Variants in SPHKAP observed in about 807,000 individuals in gnomAD.
SPHKAP encodes the protein SPHK1 interactor, AKAP domain containing.
A neutral mutation model predicts 137.5 loss-of-function variants in SPHKAP; 67 were observed. The observed-to-expected ratio is 0.49, with a 90% CI of 0.40 to 0.60. SPHKAP has a LOEUF of 0.60. SPHKAP is among the 20% of genes least tolerant of loss of function. The pLI, the probability that SPHKAP is intolerant of heterozygous loss-of-function variation, is 0.00. For missense variants in SPHKAP, 2,097 were observed against 2,069.3 expected (o/e 1.01, Z -0.26); for synonymous variants, 813 against 785.3 (o/e 1.04, Z -0.59).
chr2:228,151,149 G>A (rs1004808141), intron 1 of SPHKAP, among the ~76,000 whole-genome samples: 3 of 143,390 alleles, frequency 2.1e-5, no homozygotes, highest in African/African-American at 7.8e-5. Flanking sequence ...TGTTCTCATT[G>A]TTCTATTCCC....
chr2:228,116,734 A>G (rs1256970014), intron 2 of SPHKAP, among the ~76,000 whole-genome samples: 1 of 152,124 alleles, frequency 6.6e-6, no homozygotes, highest in African/African-American at 2.4e-5. Context: ...TCAAGACAGA[A>G]CAGATTCTAA....
chr2:228,092,250 T>C (rs1320224962), intron 3 of SPHKAP, among the ~76,000 whole-genome samples: 1 of 143,732 alleles, frequency 7.0e-6, no homozygotes, highest in Non-Finnish European at 1.5e-5. Context: ...CACACGTGTA[T>C]ATGTGTGTAT....
intron 3 of SPHKAP, among the ~76,000 whole-genome samples, chr2:228,105,728 T>A (rs1192707445): frequency 6.6e-6 from 1 of 152,160 alleles, no homozygotes; most frequent in African/African-American, 2.4e-5. Context: ...CTGATGTATT[T>A]ATAAGGGATT....
At chr2:228,136,048 G>T (rs953755014) in intron 1 of SPHKAP, among the ~76,000 whole-genome samples, 1 of 152,118 alleles carries the variant, frequency 6.6e-6, no homozygotes, top group Non-Finnish European at 1.5e-5. Flanking sequence ...GATGCTGTCC[G>T]TGATCTCTAG....
intron 2 of SPHKAP, among the ~76,000 whole-genome samples, chr2:228,123,029 C>T (rs1206804107): frequency 6.6e-6 from 1 of 152,114 alleles, no homozygotes; most frequent in Admixed American, 6.6e-5. Context: ...AGGTATCTCA[C>T]CCAGGTTTCT....
chr2:228,033,268 A>G (rs1695426503), intron 3 of SPHKAP, among the ~76,000 whole-genome samples: 1 of 152,224 alleles, frequency 6.6e-6, no homozygotes, highest in African/African-American at 2.4e-5. Flanking sequence ...AACAAAGATC[A>G]AAAGAGACAA....
chr2:228,167,962 C>G (rs1291041811), intron 1 of SPHKAP, among the ~76,000 whole-genome samples: 1 of 151,930 alleles, frequency 6.6e-6, no homozygotes, highest in South Asian at 2.1e-4. Context: ...ACATGAATAC[C>G]TTTAGTATAC....
chr2:228,024,083 T>C (rs1694940551), intron 5 of SPHKAP, among the ~76,000 whole-genome samples: 1 of 152,210 alleles, frequency 6.6e-6, no homozygotes, highest in African/African-American at 2.4e-5. Context: ...GTTGATGACA[T>C]TGTTTAAGTC....
At chr2:228,092,470 T>C (rs1254617202) in intron 3 of SPHKAP, among the ~76,000 whole-genome samples, 11,306 of 29,920 alleles carry the variant, frequency 0.38, 1,595 homozygotes, top group African/African-American at 0.45. Context: ...ATATGTGCCA[T>C]ATATATGTAT....
intron 1 of SPHKAP, among the ~76,000 whole-genome samples, chr2:228,168,820 CTCTTGCA>C (rs1700494548): frequency 6.6e-6 from 1 of 152,114 alleles, no homozygotes; most frequent in African/African-American, 2.4e-5. Flanking sequence ...AAAGCTAGCC[CTCTTGCA>C]TCAAGCAGTT....
intron 3 of SPHKAP, among the ~76,000 whole-genome samples, chr2:228,098,464 G>T (rs1698070965): frequency 6.6e-6 from 1 of 152,132 alleles, no homozygotes; most frequent in Non-Finnish European, 1.5e-5. Context: ...CCTTTGTAGG[G>T]ACATGGATGA....
At chr2:228,179,539 T>C (rs181557121) in intron 1 of SPHKAP, among the ~76,000 whole-genome samples, 1 of 152,302 alleles carries the variant, frequency 6.6e-6, no homozygotes, top group Non-Finnish European at 1.5e-5. Flanking sequence ...TTAAGAATGC[T>C]AATAAAATAC....
intron 3 of SPHKAP, among the ~76,000 whole-genome samples, chr2:228,080,020 G>A (rs1425537471): frequency 6.6e-6 from 1 of 151,416 alleles, no homozygotes; most frequent in African/African-American, 2.4e-5. Flanking sequence ...ACCTAAAACT[G>A]TAAAACTACT....
chr2:228,020,026 A>T lies in SPHKAP; in HGVS notation c.828T>A (p.Tyr276Ter). The T allele has an allele frequency of 6.2e-7, 1 of 1,614,118 alleles. No individual in the cohort carries two copies. The part of the protein sequence containing the change: ...YALEDKYINK[Y>*]PTPLIKTERS... ...GTTCTGTTTTAATCAATGGTGTGGG[A>T]TATTTGTTGATGTATTTGTCTTCCA... Residue 276 changes from tyrosine (Y) to a stop codon, truncating the protein, a stop_gained, in exon 7 of 12, where the codon TAT becomes TAA. Transcript: ENST00000392056. LOFTEE classifies it high-confidence loss of function.
At chr2:228,051,693 G>A (rs181378348) in intron 3 of SPHKAP, among the ~76,000 whole-genome samples, 2 of 152,170 alleles carry the variant, frequency 1.3e-5, no homozygotes, top group East Asian at 3.8e-4. Context: ...GTCTGTTCAG[G>A]CTGCTATAAC....
rs114264224 is a variant in SPHKAP at position 228,073,928 on chromosome 2, C to T, written c.246+34904G>A. Among the ~76,000 whole-genome samples, 1,502 of 152,096 alleles carry T rather than the reference C, an allele frequency of 9.9e-3. 17 individuals carry two copies. Among genetic ancestry groups the T allele is most frequent in the African/African-American group, 0.033 (1,350 of 41,474 alleles). ...TGTGTCACAGTGTCATGGGGAGGACCAAAGAAAAACTCCCAATGACCTATC... is the reference window on the plus strand; with the variant it reads ...TGTGTCACAGTGTCATGGGGAGGACTAAAGAAAAACTCCCAATGACCTATC... On this transcript the variant is annotated intron_variant, in intron 3 of 11. Transcript: ENST00000392056.
chr2:228,124,424 T>G (rs1699006960), intron 2 of SPHKAP, among the ~76,000 whole-genome samples: 1 of 152,024 alleles, frequency 6.6e-6, no homozygotes, highest in African/African-American at 2.4e-5. Context: ...TGAGTTCATG[T>G]CCTTTGTAGG....
chr2:228,032,614 G>C (rs189409511), intron 3 of SPHKAP, among the ~76,000 whole-genome samples: 1 of 152,246 alleles, frequency 6.6e-6, no homozygotes, highest in Non-Finnish European at 1.5e-5. Flanking sequence ...AAAATGTTAA[G>C]GGCAGCCAGA....
At chr2:228,091,941 T>G (rs1358988520) in intron 3 of SPHKAP, among the ~76,000 whole-genome samples, 1 of 151,758 alleles carries the variant, frequency 6.6e-6, no homozygotes, top group Admixed American at 6.6e-5. Flanking sequence ...GGAAAAGAAG[T>G]CACCATACAA....
Sources: allele counts gnomAD v4.1 joint callset (sites outside exome capture counted in the v4.1 genomes callset), GRCh38; gene constraint gnomAD v4.1.1; transcripts MANE v1.5; gene names NCBI Gene and HGNC (gene_info 2026-07-23, HGNC 2026-07-21).